Variants in TCF7L2 observed in about 807,000 individuals in gnomAD.
TCF7L2 encodes transcription factor 7 like 2, also known as transcription factor 7-like 2.
TCF7L2 carries 23 observed loss-of-function variants against 77.9 expected under a neutral mutation model. That is an observed-to-expected ratio of 0.30 (90% CI 0.21 to 0.42). TCF7L2 has a LOEUF of 0.42. TCF7L2 is among the 10% of genes least tolerant of loss of function. The pLI is 1.00. For missense variants in TCF7L2, 654 were observed against 793.1 expected (o/e 0.82, Z 2.11); for synonymous variants, 413 against 340.2 (o/e 1.21, Z -2.36).
intron 3 of TCF7L2, among the ~76,000 whole-genome samples, chr10:112,953,145 A>G (rs1305696058): frequency 6.6e-6 from 1 of 152,112 alleles, no homozygotes; most frequent in Admixed American, 6.6e-5. Flanking sequence ...TTAAGCATTA[A>G]AATATTAACT....
rs138649767 is a variant in TCF7L2, at chr10:113,165,682, G to C, written c.1519G>C (p.Ala507Pro). The change falls in exon 14 of 14, where the codon GCC becomes CCC. Residue 507 changes from alanine (A) to proline (P), a missense_variant. Physicochemically the swap from Ala to Pro is conservative, Grantham distance 27 (BLOSUM62 -1). Transcript: ENST00000627217. ...CCTGCTAGGCTCCCCTCCCCGAGAC[G>C]CCAAGTCACAGACTGAGCAGACCCA... is the stretch of plus-strand genomic sequence containing the variant. 2 of 1,510,264 alleles carry C rather than the reference G, an allele frequency of 1.3e-6. No homozygotes were observed. The highest frequency in any genetic ancestry group is 1.8e-6 in the Non-Finnish European group (2 of 1,122,256). The allele number at this position is 1,510,264 out of a possible 1,614,324, so 93.6% of individuals were successfully genotyped here.
intron 4 of TCF7L2, among the ~76,000 whole-genome samples, chr10:112,981,931 T>C (rs2040547460): frequency 6.6e-6 from 1 of 152,210 alleles, no homozygotes; most frequent in South Asian, 2.1e-4. Flanking sequence ...CCCAGGAATA[T>C]TGAGACTGCT....
intron 5 of TCF7L2, chr10:113,089,520 G>C (rs748947499): frequency 3.1e-6 from 5 of 1,613,678 alleles, no homozygotes; most frequent in Non-Finnish European, 4.2e-6. Context: ...ACAAAAAGTT[G>C]GGGAGCCCTG....
intron 5 of TCF7L2, among the ~76,000 whole-genome samples, chr10:113,040,507 G>A (rs1326536343): frequency 1.3e-5 from 2 of 152,148 alleles, no homozygotes; most frequent in African/African-American, 2.4e-5. Flanking sequence ...AACTCAAAAG[G>A]GGGTCCTGGA....
chr10:113,142,835 T>C (rs2068623020), intron 6 of TCF7L2, among the ~76,000 whole-genome samples: 1 of 152,226 alleles, frequency 6.6e-6, no homozygotes, highest in South Asian at 2.1e-4. Flanking sequence ...GACTGTTTAC[T>C]TTTCCTCTGC....
rs999696614 is a variant in TCF7L2 at position 113,166,670 on chromosome 10, G to A, written c.*698G>A. The A allele has an allele frequency of 1.3e-5, 3 of 230,346 alleles. No individual in the cohort carries two copies. The highest frequency in any genetic ancestry group is 1.1e-4 in the Admixed American group (2 of 17,672). 14.3% of individuals were successfully genotyped at this position (230,346 alleles called of 1,614,324 possible). A position where few individuals can be genotyped will look rare whatever the true frequency, so the allele number is the denominator to read the frequency against. On this transcript the variant is annotated 3_prime_UTR_variant, in exon 14 of 14. Transcript: ENST00000627217. ...AGATTGCTTGTCGTACCTGTATGTC[G>A]TCCCTTTTTAAATATGTTTTCCTTT...
intron 4 of TCF7L2, among the ~76,000 whole-genome samples, chr10:113,029,282 C>G (rs1283522275): frequency 6.6e-6 from 1 of 152,150 alleles, no homozygotes; most frequent in Non-Finnish European, 1.5e-5. Flanking sequence ...GTTTCTTCAT[C>G]AGCACCATTA....
At position 113,166,398 on chromosome 10, in the gene TCF7L2, CAT is replaced by C. The variant is rs1321542003; in HGVS notation, c.*427_*428del. 1 of 225,500 alleles carries C rather than the reference CAT, an allele frequency of 4.4e-6. No homozygotes were observed. The highest frequency in any genetic ancestry group is 8.7e-6 in the Non-Finnish European group (1 of 114,780). The allele number at this position is 225,500 out of a possible 1,614,324, so 14.0% of individuals were successfully genotyped here. A position where few individuals can be genotyped will look rare whatever the true frequency, so the allele number is the denominator to read the frequency against. On this transcript the variant is annotated 3_prime_UTR_variant, in exon 14 of 14. Coordinates refer to ENST00000627217, the MANE Select transcript of TCF7L2 (RefSeq NM_001146274.2). ...ATTAAATACGAGCTTGCGAACCAAT[CAT>C]TTTACATCTGGTTTTTAAACCGTAA...
intron 5 of TCF7L2, among the ~76,000 whole-genome samples, chr10:113,074,320 G>T (rs1321287511): frequency 6.6e-6 from 1 of 152,052 alleles, no homozygotes; most frequent in Non-Finnish European, 1.5e-5. Context: ...TCTTCCCGTT[G>T]TCCAAAAAGG....
chr10:113,144,113 TG>T (rs2068874305), intron 7 of TCF7L2, 88 bp downstream of exon 7: 1 of 821,516 alleles, frequency 1.2e-6, no homozygotes, highest in African/African-American at 1.9e-5. Flanking sequence ...TGTGTGTGTG[TG>T]TGTGTGTGTG....
At chr10:113,132,077 C>T (rs149896779) in intron 5 of TCF7L2, 273 of 152,330 alleles carry the variant, frequency 1.8e-3, no homozygotes, top group East Asian at 3.9e-3. Flanking sequence ...CAGGATAGAA[C>T]GGAACAATGC....
chr10:113,161,752 G>C, intron 13 of TCF7L2: 1 of 840,924 alleles, frequency 1.2e-6, no homozygotes, highest in Non-Finnish European at 1.9e-6. Flanking sequence ...CGAGTCTCCT[G>C]TGTCTCTTCC....
intron 6 of TCF7L2, among the ~76,000 whole-genome samples, chr10:113,143,094 A>G (rs571618329): frequency 5.5e-4 from 84 of 152,336 alleles, no homozygotes; most frequent in African/African-American, 1.7e-3. Context: ...CTCCCACTTC[A>G]ATGGCATACA....
chr10:113,096,154 C>T (rs539885206), intron 5 of TCF7L2, among the ~76,000 whole-genome samples: 78 of 152,234 alleles, frequency 5.1e-4, no homozygotes, highest in African/African-American at 1.8e-3. Flanking sequence ...GCAGTTAGCA[C>T]TTAGGGAGAG....
In TCF7L2 at chr10:113,166,574, G is replaced by T. The variant is rs7099964; in HGVS notation, c.*602G>T. ...CTTGTTCCATGGTGTTGTTCTTTTGGGGGGAGGGGACGCTACTCAACACTT... is the reference window on the plus strand; with the variant it reads ...CTTGTTCCATGGTGTTGTTCTTTTGTGGGGAGGGGACGCTACTCAACACTT... On this transcript the variant is annotated 3_prime_UTR_variant, in exon 14 of 14. Coordinates refer to ENST00000627217, the MANE Select transcript of TCF7L2 (RefSeq NM_001146274.2). The T allele has an allele frequency of 3.6e-5, 8 of 224,992 alleles. No homozygotes were observed. Among genetic ancestry groups the T allele is most frequent in the African/African-American group, 8.9e-5 (4 of 44,854 alleles). The allele number at this position is 224,992 out of a possible 1,614,324, so 13.9% of individuals were successfully genotyped here. A position where few individuals can be genotyped will look rare whatever the true frequency, so the allele number is the denominator to read the frequency against.
chr10:113,100,944 G>A (rs1285233737), intron 5 of TCF7L2, among the ~76,000 whole-genome samples: 4 of 152,062 alleles, frequency 2.6e-5, no homozygotes, highest in African/African-American at 7.2e-5. Flanking sequence ...GCGTGGTGGC[G>A]TTTGCCTGTA....
rs552622862 is a variant in TCF7L2, at chr10:112,964,570, C to T, written c.396C>T (p.Ser132=). The T allele has an allele frequency of 2.0e-5, 32 of 1,613,210 alleles. No homozygotes were observed. Among genetic ancestry groups the T allele is most frequent in the African/African-American group, 5.3e-5 (4 of 74,974 alleles). The stretch of plus-strand genomic sequence containing the variant: ...TCTTTCTACAGCTCCATTTTCAGTC[C>T]GGCAGCACACATTACTCTGCGTACA... The change falls in exon 4 of 14, where the codon TCC becomes TCT. Residue 132 remains serine, a synonymous_variant. Transcript: ENST00000627217.
chr10:113,135,997 C>T (rs2067332146), intron 5 of TCF7L2, among the ~76,000 whole-genome samples: 1 of 152,028 alleles, frequency 6.6e-6, no homozygotes, highest in Non-Finnish European at 1.5e-5. Context: ...TAACCCCATC[C>T]CAGTAATGCC....
chr10:112,951,447 G>C (rs2134202371), intron 2 of TCF7L2, 36 bp from the exon 3 acceptor site: 1 of 1,378,884 alleles, frequency 7.3e-7, no homozygotes, highest in Admixed American at 2.2e-5. Flanking sequence ...CGCTCCGCGC[G>C]GCCGCCGCTG....
Sources: allele counts gnomAD v4.1 joint callset (sites outside exome capture counted in the v4.1 genomes callset), GRCh38; gene constraint gnomAD v4.1.1; transcripts MANE v1.5; gene names NCBI Gene and HGNC (gene_info 2026-07-23, HGNC 2026-07-21).